The following INTS6 variants were observed in gnomAD, a reference collection of about 807,000 sequenced individuals.
INTS6 encodes DEAD box protein.
In INTS6, 16 loss-of-function variants were observed where a neutral mutation model predicts 104.9. The ratio of observed to expected loss-of-function variants is 0.15; its 90% CI spans 0.10 to 0.23. INTS6 has a LOEUF of 0.23. INTS6 is among the 10% of genes least tolerant of loss of function. INTS6 has a pLI of 1.00. For missense variants in INTS6, 584 were observed against 1,062.8 expected (o/e 0.55, Z 6.26); for synonymous variants, 324 against 358.7 (o/e 0.90, Z 1.09).
rs974033817 is a variant in INTS6 at position 51,361,590 on chromosome 13, G to A, written c.*4162C>T. On this transcript the variant is annotated 3_prime_UTR_variant, in exon 18 of 18. Transcript: ENST00000311234. ...TAATTCTGAAAGTTACCTTCAATAA[G>A]GAATTTATTCCATGGAATGTGTTGA... 11 of 583,096 alleles carry A rather than the reference G, an allele frequency of 1.9e-5. No homozygotes were observed. The highest frequency in any genetic ancestry group is 3.3e-5 in the Non-Finnish European group (11 of 333,396). 36.1% of individuals were successfully genotyped at this position (583,096 alleles called of 1,614,324 possible).
chr13:51,344,107 T>G, the INTS6 span: 2 of 656,572 alleles, frequency 3.0e-6, no homozygotes, highest in Non-Finnish European at 5.4e-6. Flanking sequence ...TATGACTTTT[T>G]CAAACTGGCT....
At chr13:51,334,982 C>CAA in the INTS6 span, among the ~76,000 whole-genome samples, 329 of 70,404 alleles carry the variant, frequency 4.7e-3, 3 homozygotes, top group African/African-American at 0.015. Flanking sequence ...GACTCCGTCT[C>CAA]AAAAAAAAAA....
intron 4 of INTS6, among the ~76,000 whole-genome samples, chr13:51,406,822 T>C (rs970359855): frequency 6.6e-6 from 1 of 152,154 alleles, no homozygotes; most frequent in Non-Finnish European, 1.5e-5. Context: ...ACAGGCTGCA[T>C]GTAGCCCAGT....
chr13:51,424,955 CA>C (rs1228653631), intron 4 of INTS6, among the ~76,000 whole-genome samples: 7 of 151,882 alleles, frequency 4.6e-5, no homozygotes. Flanking sequence ...TAAAAGTATA[CA>C]ATGAAATCAG....
chr13:51,427,609 A>C (rs1222901970), intron 4 of INTS6, among the ~76,000 whole-genome samples: 2 of 152,176 alleles, frequency 1.3e-5, no homozygotes, highest in African/African-American at 4.8e-5. Flanking sequence ...GCAGGGAATC[A>C]AAGACATTCC....
At chr13:51,408,574 T>C (rs1431318915) in intron 4 of INTS6, among the ~76,000 whole-genome samples, 1 of 152,224 alleles carries the variant, frequency 6.6e-6, no homozygotes. Context: ...GAGCACTTAA[T>C]GCCTCAAGCA....
the INTS6 span, among the ~76,000 whole-genome samples, chr13:51,335,515 C>T: frequency 2.0e-3 from 306 of 152,122 alleles, no homozygotes; most frequent in East Asian, 5.8e-3. Context: ...GGGGTGTTGG[C>T]GGGGTGTAGA....
intron 3 of INTS6, 25 bp from the exon 4 acceptor site, chr13:51,430,408 A>G: frequency 6.4e-7 from 1 of 1,574,370 alleles, no homozygotes; most frequent in African/African-American, 1.4e-5. Flanking sequence ...CACATTGATC[A>G]TACAAAGATT....
downstream of INTS6, among the ~76,000 whole-genome samples, chr13:51,360,608 T>C (rs114000584): frequency 6.6e-6 from 1 of 152,080 alleles, no homozygotes; most frequent in African/African-American, 2.4e-5. Flanking sequence ...TCTGTGAAAC[T>C]GTTAGCACAT....
At chr13:51,350,131 C>T (rs1012037741), downstream of INTS6, among the ~76,000 whole-genome samples, 5 of 152,128 alleles carry the variant, frequency 3.3e-5, no homozygotes, top group African/African-American at 9.6e-5. Context: ...TTTCGTTTAA[C>T]AAGAGCAAAA....
At chr13:51,347,348 C>A in the INTS6 span, 1 of 889,458 alleles carries the variant, frequency 1.1e-6, no homozygotes, top group Non-Finnish European at 1.8e-6. Context: ...TCCGCAGGGT[C>A]CATCTGCTGG....
Position 51,363,386 on chromosome 13 carries a change from TTC to T in INTS6, c.*2364_*2365del, listed in dbSNP as rs1566199808. The T allele has an allele frequency of 6.6e-6, 1 of 151,986 alleles. No homozygotes were observed. Among genetic ancestry groups the T allele is most frequent in the Non-Finnish European group, 1.5e-5 (1 of 67,914 alleles). The allele number at this position is 151,986 out of a possible 1,614,324, so 9.4% of individuals were successfully genotyped here. Reference sequence around the variant, plus strand: ...ACATCACACAACACAGTGGCTGCTCTTCTGGTGATGGTTATGGAAGAGTTTAG... The same window carrying T: ...ACATCACACAACACAGTGGCTGCTCTTGGTGATGGTTATGGAAGAGTTTAG... On this transcript the variant is annotated 3_prime_UTR_variant, in exon 18 of 18. Coordinates refer to ENST00000311234, the MANE Select transcript of INTS6 (RefSeq NM_012141.3).
At chr13:51,451,575 G>T (rs1278670869) in intron 2 of INTS6, 1 of 156,218 alleles carries the variant, frequency 6.4e-6, no homozygotes, top group Non-Finnish European at 1.4e-5. Context: ...CTTCCGGGCC[G>T]GCCGGGCCGA....
chr13:51,387,053 C>G (rs1394457653), intron 7 of INTS6, among the ~76,000 whole-genome samples: 1 of 152,056 alleles, frequency 6.6e-6, no homozygotes, highest in Non-Finnish European at 1.5e-5. Flanking sequence ...ATTTTCTAAG[C>G]CTTCATTTAA....
chr13:51,383,859 T>G, intron 7 of INTS6, 118 bp from the exon 8 acceptor site: 1 of 744,152 alleles, frequency 1.3e-6, no homozygotes, highest in South Asian at 2.6e-5. Context: ...TTTGATTTAC[T>G]GCTAAAAGCA....
chr13:51,450,419 T>A (rs1953013447), intron 3 of INTS6: 1 of 985,314 alleles, frequency 1.0e-6, no homozygotes, highest in South Asian at 4.7e-5. Flanking sequence ...CAGCAGTCTT[T>A]TTTTCCAAGG....
intron 17 of INTS6, among the ~76,000 whole-genome samples, chr13:51,367,469 G>A (rs556414685): frequency 6.6e-6 from 1 of 151,932 alleles, no homozygotes; most frequent in East Asian, 1.9e-4. Context: ...GTTATTTTTA[G>A]TCACCAATAT....
chr13:51,404,053 T>G (rs1386387369), intron 4 of INTS6, among the ~76,000 whole-genome samples: 2 of 130,882 alleles, frequency 1.5e-5, no homozygotes, highest in Non-Finnish European at 1.6e-5. Flanking sequence ...TGAGATCCTA[T>G]CTCTACAAAT....
chr13:51,335,744 C>T, the INTS6 span: 15 of 152,106 alleles, frequency 9.9e-5, no homozygotes, highest in African/African-American at 3.4e-4. Context: ...TGCACACTGT[C>T]GAGTATCGCC....
Sources: allele counts gnomAD v4.1 joint callset (sites outside exome capture counted in the v4.1 genomes callset), GRCh38; gene constraint gnomAD v4.1.1; transcripts MANE v1.5; gene names NCBI Gene and HGNC (gene_info 2026-07-23, HGNC 2026-07-21).